The following CEACAM5 variants were observed in gnomAD, a reference collection of about 807,000 sequenced individuals.
The protein encoded by CEACAM5 is cell adhesion molecule CEACAM5.
A neutral mutation model predicts 63.0 loss-of-function variants in CEACAM5; 52 were observed. The observed-to-expected ratio is 0.83, with a 90% CI of 0.66 to 1.04. The LOEUF is 1.04. Ranked by LOEUF, CEACAM5 falls within the 50% of genes least tolerant of loss-of-function variation. The pLI, the probability that CEACAM5 is intolerant of heterozygous loss-of-function variation, is 0.00. For synonymous variants in CEACAM5, 357 were observed against 351.3 expected, an observed-to-expected ratio of 1.02 and a Z score of -0.18; for missense variants, 790 against 864.8, an observed-to-expected ratio of 0.91 and a Z score of 1.08.
chr19:41,720,779 C>T (rs973004626), intron 7 of CEACAM5, 143 bp from the exon 8 acceptor site: 31 of 1,037,106 alleles, frequency 3.0e-5, no homozygotes, highest in Non-Finnish European at 3.6e-5. Flanking sequence ...GGATTACAGG[C>T]GTGAGCCACC....
chr19:41,718,072 G>T, intron 5 of CEACAM5, 56 bp from the exon 6 acceptor site: 1 of 1,596,208 alleles, frequency 6.3e-7, no homozygotes, highest in South Asian at 1.1e-5. Flanking sequence ...CACAGACCAG[G>T]AGCTTCCCCT....
chr19:41,715,531 T>C (rs1555814857), intron 3 of CEACAM5, 119 bp from the exon 4 acceptor site: 2 of 1,364,698 alleles, frequency 1.5e-6, no homozygotes, highest in Non-Finnish European at 2.1e-6. Context: ...ACAAGAGGGG[T>C]TTGGCTGAGA....
At position 41,715,698 on chromosome 19, in the gene CEACAM5, C is replaced by T. The variant is rs1159428567; in HGVS notation, c.752C>T (p.Ser251Leu). ...TISPLNTSYR[S>L]GENLNLSCHA... ...TCCCCTCTAAACACATCTTACAGAT[C>T]AGGGGAAAATCTGAACCTCTCCTGC... is the stretch of plus-strand genomic sequence containing the variant. The change falls in exon 4 of 10, where the codon TCA (serine) becomes TTA (leucine). Residue 251 changes from serine (S) to leucine (L), a missense_variant. Transcript: ENST00000221992. 3.1e-6 allele frequency: 5 copies of T among 1,614,052 alleles called. No individual in the cohort carries two copies. The highest frequency in any genetic ancestry group is 2.7e-5 in the African/African-American group (2 of 74,916).
At chr19:41,723,386 C>T (rs2072654938) in intron 8 of CEACAM5, among the ~76,000 whole-genome samples, 1 of 152,064 alleles carries the variant, frequency 6.6e-6, no homozygotes. Context: ...ATCATTGTGG[C>T]TTTGACTTGC....
intron 2 of CEACAM5, among the ~76,000 whole-genome samples, chr19:41,713,652 TC>T (rs2072472123): frequency 1.3e-5 from 2 of 152,200 alleles, no homozygotes; most frequent in South Asian, 4.1e-4. Context: ...TCTAGGGACT[TC>T]ATATAAGTGG....
In CEACAM5 at chr19:41,719,960, A is replaced by G. The variant is rs149101572; in HGVS notation, c.1523A>G (p.Asn508Ser). The G allele has an allele frequency of 1.2e-6, 2 of 1,614,186 alleles. No individual in the cohort carries two copies. Among genetic ancestry groups the G allele is most frequent in the East Asian group, 2.2e-5 (1 of 44,886 alleles). Residue 508 changes from asparagine to serine, a missense_variant, in exon 7 of 10, where the codon AAC becomes AGC. Asn to Ser is a conservative substitution (Grantham distance 46). Coordinates refer to ENST00000221992, the MANE Select transcript of CEACAM5 (RefSeq NM_004363.6). ...AELPKPSISS[N>S]NSKPVEDKDA... ...CTGCCCAAGCCCTCCATCTCCAGCA[A>G]CAACTCCAAACCCGTGGAGGACAAG...
chr19:41,709,264 A>T (rs1173428442), intron 1 of CEACAM5, among the ~76,000 whole-genome samples: 1 of 152,180 alleles, frequency 6.6e-6, no homozygotes, highest in Non-Finnish European at 1.5e-5. Context: ...GGGGAGGAAG[A>T]CAGACATACA....
rs1555814725 is a variant in CEACAM5 at position 41,715,209 on chromosome 19, G to A, written c.663G>A (p.Val221=). The change falls in exon 3 of 10, where the codon GTG becomes GTA. Residue 221 remains valine, a synonymous_variant. Coordinates refer to ENST00000221992, the MANE Select transcript of CEACAM5 (RefSeq NM_004363.6). ...ASYKCETQNP[V]SARRSDSVIL... is the part of the protein sequence containing the mutation. Reference sequence around the variant, plus strand: ...ACAAATGTGAAACCCAGAACCCAGTGAGTGCCAGGCGCAGTGATTCAGTCA... The same window carrying A: ...ACAAATGTGAAACCCAGAACCCAGTAAGTGCCAGGCGCAGTGATTCAGTCA... 9 of 1,614,240 alleles carry A rather than the reference G, an allele frequency of 5.6e-6. No individual in the cohort carries two copies. Among genetic ancestry groups the A allele is most frequent in the Non-Finnish European group, 7.6e-6 (9 of 1,180,050 alleles).
chr19:41,712,904 A>G (rs575470554), intron 2 of CEACAM5, among the ~76,000 whole-genome samples: 123 of 152,352 alleles, frequency 8.1e-4, no homozygotes, highest in African/African-American at 2.9e-3. Flanking sequence ...ACAAATTTTT[A>G]AGGGCAAATT....
chr19:41,718,038 C>A, intron 5 of CEACAM5, 90 bp from the exon 6 acceptor site: 1 of 1,503,250 alleles, frequency 6.7e-7, no homozygotes, highest in Non-Finnish European at 9.1e-7. Context: ...TGTGACTTGG[C>A]TCAGGGGGAC....
At chr19:41,723,280 C>G (rs1414499734) in intron 8 of CEACAM5, among the ~76,000 whole-genome samples, 3 of 152,096 alleles carry the variant, frequency 2.0e-5, no homozygotes, top group African/African-American at 4.8e-5. Flanking sequence ...GCTAATATTT[C>G]ACATTTCTAT....
intron 3 of CEACAM5, 97 bp downstream of exon 3, chr19:41,715,346 A>G: frequency 2.0e-6 from 3 of 1,525,410 alleles, no homozygotes. Flanking sequence ...AAGTACACAG[A>G]CCCTCAACCC....
intron 4 of CEACAM5, among the ~76,000 whole-genome samples, chr19:41,716,468 T>G (rs184760026): frequency 1.4e-4 from 21 of 152,334 alleles, no homozygotes; most frequent in Non-Finnish European, 2.2e-4. Context: ...TGGTCTGTCC[T>G]GAATTCGGCT....
At position 41,719,966 on chromosome 19, in the gene CEACAM5, C is replaced by T. The variant is rs2072591706; in HGVS notation, c.1529C>T (p.Ser510Phe). 8.1e-6 allele frequency: 13 copies of T among 1,614,110 alleles called. No individual in the cohort carries two copies. Among genetic ancestry groups the T allele is most frequent in the African/African-American group, 1.3e-5 (1 of 74,922 alleles). Residue 510 changes from serine to phenylalanine, a missense_variant, in exon 7 of 10, where the codon TCC becomes TTC. By Grantham distance (155) the Ser-to-Phe change is radical. Transcript: ENST00000221992. The stretch of plus-strand genomic sequence containing the variant: ...AAGCCCTCCATCTCCAGCAACAACT[C>T]CAAACCCGTGGAGGACAAGGATGCT... ...LPKPSISSNNSKPVEDKDAVA... is the reference protein window; with the variant it reads ...LPKPSISSNNFKPVEDKDAVA...
At chr19:41,710,147 A>T in intron 2 of CEACAM5, 108 bp downstream of exon 2, 1 of 1,474,372 alleles carries the variant, frequency 6.8e-7, no homozygotes, top group Non-Finnish European at 9.2e-7. Context: ...ATTACGCACC[A>T]TGTTAGGGTT....
rs2072754252 is a variant in CEACAM5, at chr19:41,730,370, C to G, written c.*1223C>G. Among the ~76,000 whole-genome samples the G allele has an allele frequency of 6.8e-6, 1 of 147,964 alleles. No homozygotes were observed. Among genetic ancestry groups the G allele is most frequent in the African/African-American group, 2.5e-5 (1 of 39,600 alleles). The stretch of plus-strand genomic sequence containing the variant: ...CCGGGAGGCAGGGCTTGCAGTGAGC[C>G]AAGATCATGCCGCTGCACTCCAGCC... On this transcript the variant is annotated 3_prime_UTR_variant, in exon 10 of 10. Coordinates refer to ENST00000221992, the MANE Select transcript of CEACAM5 (RefSeq NM_004363.6).
At chr19:41,727,116 A>C in intron 8 of CEACAM5, 118 bp from the exon 9 acceptor site, 2 of 816,610 alleles carry the variant, frequency 2.4e-6, no homozygotes, top group Non-Finnish European at 4.3e-6. Context: ...AAACTAATGC[A>C]TTCCTTGAAG....
intron 8 of CEACAM5, 101 bp downstream of exon 8, chr19:41,721,277 C>T (rs2072617561): frequency 7.3e-7 from 1 of 1,363,726 alleles, no homozygotes; most frequent in African/African-American, 1.4e-5. Flanking sequence ...GTCTGTGTTC[C>T]ATGGGCACAA....
At position 41,715,639 on chromosome 19, in the gene CEACAM5, G is replaced by C. The variant is rs201460102; in HGVS notation, c.704-11G>C. On this transcript the variant is annotated splice_polypyrimidine_tract_variant and intron_variant, in intron 3 of 9. Transcript: ENST00000221992. Reference sequence around the variant, plus strand: ...ACAATATCACCTGTGGCTTTATTTTGTTTGCTCCAGATGGCCCGGATGCCC... The same window carrying C: ...ACAATATCACCTGTGGCTTTATTTTCTTTGCTCCAGATGGCCCGGATGCCC... 6.2e-7 allele frequency: 1 copy of C among 1,613,712 alleles called. No individual in the cohort carries two copies. The highest frequency in any genetic ancestry group is 1.7e-5 in the Admixed American group (1 of 60,008).
Sources: allele counts gnomAD v4.1 joint callset (sites outside exome capture counted in the v4.1 genomes callset), GRCh38; gene constraint gnomAD v4.1.1; transcripts MANE v1.5; gene names NCBI Gene and HGNC (gene_info 2026-07-23, HGNC 2026-07-21).